Variants in FUBP3 observed in about 807,000 individuals in gnomAD.
FUBP3 encodes far upstream element binding protein 3.
Under a neutral mutation model 85.6 loss-of-function variants are expected in FUBP3, and 28 were observed. The ratio of observed to expected loss-of-function variants is 0.33; its 90% CI spans 0.24 to 0.45. The LOEUF is 0.45. Among genes scored for constraint, FUBP3 ranks in the 20% least tolerant of loss-of-function variants. The pLI is 1.00. For synonymous variants in FUBP3, 271 were observed against 271.4 expected, an observed-to-expected ratio of 1.00 and a Z score of 0.01; for missense variants, 583 against 755.1, an observed-to-expected ratio of 0.77 and a Z score of 2.67.
Position 130,609,972 on chromosome 9 carries a change from C to A in FUBP3, c.209C>A (p.Ala70Asp), listed in dbSNP as rs930468424. 3 of 1,609,036 alleles carry A rather than the reference C, an allele frequency of 1.9e-6. No individual in the cohort carries two copies. Among genetic ancestry groups the A allele is most frequent in the Non-Finnish European group, 2.6e-6 (3 of 1,176,122 alleles). ...LDDGVGNQLGALVHQRTVITE... is the reference protein window; with the variant it reads ...LDDGVGNQLGDLVHQRTVITE... ...GCCACAGTAGGTAACCAGTTAGGGG[C>A]CTTGGTACATCAAAGGTAAGCAGTG... The change falls in exon 3 of 19, where the codon GCC becomes GAC. Residue 70 changes from alanine to aspartate, a missense_variant. This residue lies in a region of FUBP3 where 177 missense variants were observed against 221.9 expected (regional missense o/e 0.80). Coordinates refer to ENST00000319725, the MANE Select transcript of FUBP3 (RefSeq NM_003934.2).
intron 1 of FUBP3, among the ~76,000 whole-genome samples, chr9:130,594,159 C>T (rs1830749553): frequency 1.3e-5 from 2 of 152,136 alleles, no homozygotes; most frequent in African/African-American, 2.4e-5. Context: ...CCATGACTCA[C>T]ACCTTTGAGC....
intron 10 of FUBP3, 25 bp downstream of exon 10, chr9:130,622,835 T>G: frequency 8.5e-7 from 1 of 1,171,856 alleles, no homozygotes; most frequent in Non-Finnish European, 1.2e-6. Flanking sequence ...TTAAAAATCC[T>G]TAGTGTTAAA....
chr9:130,593,009 A>G (rs1430750077), intron 1 of FUBP3, among the ~76,000 whole-genome samples: 1 of 151,976 alleles, frequency 6.6e-6, no homozygotes, highest in Non-Finnish European at 1.5e-5. Flanking sequence ...CATGCTGGCA[A>G]GATTGACTTC....
At chr9:130,583,568 T>A (rs1830219126) in intron 1 of FUBP3, among the ~76,000 whole-genome samples, 1 of 152,174 alleles carries the variant, frequency 6.6e-6, no homozygotes, top group African/African-American at 2.4e-5. Flanking sequence ...ATAGCTCAAG[T>A]CATCATTTCA....
chr9:130,628,882 G>A (rs949158431), intron 12 of FUBP3, among the ~76,000 whole-genome samples: 5 of 152,124 alleles, frequency 3.3e-5, no homozygotes, highest in Non-Finnish European at 7.3e-5. Context: ...CGATTCTCCT[G>A]CCTCAGCCTC....
At chr9:130,619,370 A>G (rs539359731) in intron 8 of FUBP3, among the ~76,000 whole-genome samples, 18 of 151,200 alleles carry the variant, frequency 1.2e-4, no homozygotes, top group African/African-American at 3.2e-4. Context: ...TATCTCTTCA[A>G]CCTGCCTAAC....
At chr9:130,589,675 G>GTGTGTGTGTATATATA (rs869282275) in intron 1 of FUBP3, among the ~76,000 whole-genome samples, 2 of 34,308 alleles carry the variant, frequency 5.8e-5, no homozygotes, top group African/African-American at 2.7e-4. Context: ...GTATGTGTGT[G>GTGTGTGTGTATATATA]TATATATATA....
intron 1 of FUBP3, among the ~76,000 whole-genome samples, chr9:130,584,750 T>C (rs1406858672): frequency 1.3e-5 from 2 of 151,882 alleles, no homozygotes; most frequent in African/African-American, 4.8e-5. Context: ...ATGTCTGTAA[T>C]CCCAGCTACT....
intron 8 of FUBP3, 133 bp from the exon 9 acceptor site, chr9:130,620,221 C>G (rs1588150835): frequency 5.5e-6 from 3 of 540,734 alleles, no homozygotes; most frequent in Non-Finnish European, 1.0e-5. Context: ...GTCCCATAAG[C>G]CATAAGTGAA....
intron 1 of FUBP3, among the ~76,000 whole-genome samples, chr9:130,591,296 A>G (rs1830614571): frequency 6.6e-6 from 1 of 152,144 alleles, no homozygotes; most frequent in Admixed American, 6.5e-5. Context: ...TACAAAAATT[A>G]TCCAGGCATG....
intron 13 of FUBP3, chr9:130,631,238 C>T (rs948288366): frequency 4.7e-6 from 6 of 1,283,920 alleles, no homozygotes; most frequent in African/African-American, 1.5e-5. Context: ...TCAATGGGGA[C>T]GTAGAATGGC....
intron 10 of FUBP3, among the ~76,000 whole-genome samples, chr9:130,623,109 C>A (rs1829825867): frequency 6.6e-6 from 1 of 151,824 alleles, no homozygotes; most frequent in Non-Finnish European, 1.5e-5. Flanking sequence ...TCTGATTTTG[C>A]CAAGTAAAAT....
chr9:130,585,471 C>G (rs1348502483), intron 1 of FUBP3, among the ~76,000 whole-genome samples: 2 of 152,192 alleles, frequency 1.3e-5, no homozygotes, highest in African/African-American at 2.4e-5. Flanking sequence ...TAAGCCGATG[C>G]ATGACCTTGG....
chr9:130,616,228 G>A lies in FUBP3; in HGVS notation c.405-127G>A. 4 of 798,872 alleles carry A rather than the reference G, an allele frequency of 5.0e-6. No individual in the cohort carries two copies. Among genetic ancestry groups the A allele is most frequent in the Non-Finnish European group, 8.1e-6 (4 of 495,550 alleles). 49.5% of individuals were successfully genotyped at this position (798,872 alleles called of 1,614,324 possible). A position where few individuals can be genotyped will look rare whatever the true frequency, so the allele number is the denominator to read the frequency against. ...AGAGACCTCCGGGTTGTGGGGGCAG[G>A]AGCTGGAGCTGGATGGAGGGCTGCC... On this transcript the variant is annotated intron_variant, in intron 6 of 18. Transcript: ENST00000319725. The surrounding 1 kb of genome is among the most constrained non-coding windows in gnomAD (Gnocchi z 4.7).
chr9:130,590,092 C>T (rs917002956), intron 1 of FUBP3, among the ~76,000 whole-genome samples: 1 of 141,884 alleles, frequency 7.0e-6, no homozygotes, highest in Non-Finnish European at 1.5e-5. Flanking sequence ...GAACACATGC[C>T]CCTAAAATGT....
rs1830375012 is a variant in FUBP3, at chr9:130,635,334, A to G, written c.1582+596A>G. Among the ~76,000 whole-genome samples the G allele has an allele frequency of 6.6e-6, 1 of 152,200 alleles. No individual in the cohort carries two copies. The highest frequency in any genetic ancestry group is 1.5e-5 in the Non-Finnish European group (1 of 68,044). ...ATAAAATCAGGACCAGACTCTCGGG[A>G]TATATCCCACGATTACTAGACCGGA... On this transcript the variant is annotated intron_variant, in intron 17 of 18. Coordinates refer to ENST00000319725, the MANE Select transcript of FUBP3 (RefSeq NM_003934.2). The surrounding 1 kb of genome is among the most constrained non-coding windows in gnomAD (Gnocchi z 4.3).
At chr9:130,631,863 A>G in intron 14 of FUBP3, 79 bp from the exon 15 acceptor site, 1 of 1,092,224 alleles carries the variant, frequency 9.2e-7, no homozygotes, top group South Asian at 1.3e-5. Flanking sequence ...CTGCCCCCTC[A>G]GTGCCCTGGG....
intron 13 of FUBP3, chr9:130,631,258 C>G: frequency 7.6e-7 from 1 of 1,321,176 alleles, no homozygotes; most frequent in Non-Finnish European, 9.6e-7. Flanking sequence ...CAGAAAGAGC[C>G]TTGGGCCAGC....
chr9:130,584,685 A>G (rs577786823), intron 1 of FUBP3, among the ~76,000 whole-genome samples: 13 of 141,718 alleles, frequency 9.2e-5, no homozygotes, highest in East Asian at 2.2e-4. Flanking sequence ...CCTGGCCAAC[A>G]TGGCAAAACC....
Sources: allele counts gnomAD v4.1 joint callset (sites outside exome capture counted in the v4.1 genomes callset), GRCh38; gene constraint gnomAD v4.1.1; regional missense constraint gnomAD v4.1.1; non-coding constraint Gnocchi (gnomAD v3.1); transcripts MANE v1.5; gene names NCBI Gene and HGNC (gene_info 2026-07-23, HGNC 2026-07-21).